The following TBC1D5 variants were observed in gnomAD, a reference collection of about 807,000 sequenced individuals.
TBC1D5 encodes TBC1 domain family, member 5.
Under a neutral mutation model 100.3 loss-of-function variants are expected in TBC1D5, and 75 were observed. The observed-to-expected ratio is 0.75, with a 90% confidence interval of 0.62 to 0.91. TBC1D5 has a LOEUF of 0.91. TBC1D5 is among the 40% of genes least tolerant of loss of function. The pLI, the probability that TBC1D5 is intolerant of heterozygous loss-of-function variation, is 0.00. For missense variants in TBC1D5, 910 were observed against 942.4 expected (o/e 0.97, Z 0.45); for synonymous variants, 323 against 325.6 (o/e 0.99, Z 0.09).
intron 13 of TBC1D5, among the ~76,000 whole-genome samples, chr3:17,353,565 G>C (rs2090886174): frequency 1.3e-5 from 2 of 151,974 alleles, no homozygotes; most frequent in South Asian, 4.1e-4. Flanking sequence ...TATAAATATA[G>C]ACTAAGTAAC....
intron 16 of TBC1D5, among the ~76,000 whole-genome samples, chr3:17,242,694 G>T (rs1417667479): frequency 6.6e-6 from 1 of 151,970 alleles, no homozygotes; most frequent in African/African-American, 2.4e-5. Flanking sequence ...AGATGGCTGG[G>T]TTTGTTTGAG....
chr3:17,626,500 T>A (rs377714514), intron 1 of TBC1D5, among the ~76,000 whole-genome samples: 4 of 152,268 alleles, frequency 2.6e-5, no homozygotes, highest in East Asian at 3.9e-4. Context: ...GTCAGCAACA[T>A]AGGACTTAGA....
intron 2 of TBC1D5, among the ~76,000 whole-genome samples, chr3:17,524,201 T>TA (rs1417690633): frequency 2.0e-5 from 3 of 152,142 alleles, no homozygotes; most frequent in Admixed American, 6.5e-5. Context: ...CACTCACAGT[T>TA]AAAGAAATAT....
chr3:17,417,395 T>C (rs1365602899), intron 4 of TBC1D5, among the ~76,000 whole-genome samples: 3 of 142,556 alleles, frequency 2.1e-5, no homozygotes, highest in Non-Finnish European at 3.0e-5. Flanking sequence ...CCTGTGTCCA[T>C]GTGTTCTCAT....
chr3:17,192,417 A>C (rs994464368), intron 18 of TBC1D5, among the ~76,000 whole-genome samples: 2 of 151,926 alleles, frequency 1.3e-5, no homozygotes, highest in Non-Finnish European at 2.9e-5. Flanking sequence ...GCAAACCTGG[A>C]GTAGTATAGC....
At chr3:17,270,267 T>C (rs147976555) in intron 15 of TBC1D5, among the ~76,000 whole-genome samples, 77 of 152,302 alleles carry the variant, frequency 5.1e-4, no homozygotes, top group Middle Eastern at 3.4e-3. Flanking sequence ...TTTTTTCATA[T>C]GCTTGTTGGA....
intron 3 of TBC1D5, among the ~76,000 whole-genome samples, chr3:17,466,572 G>A (rs2150043389): frequency 6.6e-6 from 1 of 152,194 alleles, no homozygotes; most frequent in East Asian, 1.9e-4. Context: ...TGAAACTGAT[G>A]GACTTTAGGC....
chr3:17,247,164 G>A (rs183936465), intron 16 of TBC1D5, among the ~76,000 whole-genome samples: 2 of 152,266 alleles, frequency 1.3e-5, no homozygotes, highest in African/African-American at 4.8e-5. Context: ...CCAAGGCTTA[G>A]GTGAGCAGCT....
intron 2 of TBC1D5, among the ~76,000 whole-genome samples, chr3:17,581,268 TA>T: frequency 6.6e-6 from 1 of 152,338 alleles, no homozygotes; most frequent in South Asian, 2.1e-4. Flanking sequence ...TTTTTCTTTA[TA>T]AATTACCTAG....
At chr3:17,381,919 C>T (rs1304502033) in intron 9 of TBC1D5, among the ~76,000 whole-genome samples, 1 of 151,906 alleles carries the variant, frequency 6.6e-6, no homozygotes, top group African/African-American at 2.4e-5. Flanking sequence ...CGTCAATATC[C>T]TTTTCTTTAT....
intron 14 of TBC1D5, among the ~76,000 whole-genome samples, chr3:17,301,566 C>T (rs1406884614): frequency 6.6e-6 from 1 of 152,156 alleles, no homozygotes; most frequent in Non-Finnish European, 1.5e-5. Flanking sequence ...TAATGTGGTT[C>T]TGGTACCAAG....
At chr3:17,570,180 T>G (rs2096618142) in intron 2 of TBC1D5, among the ~76,000 whole-genome samples, 1 of 151,976 alleles carries the variant, frequency 6.6e-6, no homozygotes. Flanking sequence ...GTAAGTTAAC[T>G]GGCCCATACA....
chr3:17,165,405 A>G (rs2066497443), intron 21 of TBC1D5, among the ~76,000 whole-genome samples: 1 of 152,258 alleles, frequency 6.6e-6, no homozygotes, highest in Non-Finnish European at 1.5e-5. Flanking sequence ...ACGCTCAGTA[A>G]TATTTGAATA....
chr3:17,210,479 C>T (rs866524487), intron 18 of TBC1D5, among the ~76,000 whole-genome samples: 15 of 152,322 alleles, frequency 9.8e-5, no homozygotes, highest in South Asian at 6.2e-4. Flanking sequence ...TGAGTCACCA[C>T]GCCCAGCCAT....
chr3:17,409,721 A>G (rs1237571923), intron 4 of TBC1D5, among the ~76,000 whole-genome samples: 1 of 152,174 alleles, frequency 6.6e-6, no homozygotes, highest in African/African-American at 2.4e-5. Flanking sequence ...ACCAGCCACA[A>G]CATTCCCTTA....
chr3:17,378,371 C>T (rs1049601049), intron 9 of TBC1D5, among the ~76,000 whole-genome samples: 1 of 151,826 alleles, frequency 6.6e-6, no homozygotes, highest in Admixed American at 6.6e-5. Context: ...AAATCACTCT[C>T]TCACACATCC....
chr3:17,323,445 A>G lies in TBC1D5; in HGVS notation c.996-15311T>C, dbSNP rs369880445. Among the ~76,000 whole-genome samples the G allele has an allele frequency of 2.6e-5, 4 of 152,362 alleles. No homozygotes were observed. The East Asian group carries it at 5.8e-4, about 22-fold the overall frequency. ...AAATAAAACTGTAAGTGCAGATGAC[A>G]TAATTGTCTACAAAATCCCAAACAA... is the stretch of plus-strand genomic sequence containing the variant. On this transcript the variant is annotated intron_variant, in intron 13 of 21. Transcript: ENST00000253692.
At chr3:17,432,078 T>C (rs759809677) in intron 3 of TBC1D5, among the ~76,000 whole-genome samples, 10 of 152,126 alleles carry the variant, frequency 6.6e-5, no homozygotes, top group Non-Finnish European at 1.3e-4. Flanking sequence ...TGTGAAAACA[T>C]CAAGTTTTAG....
At chr3:17,636,197 AG>A (rs1301169420) in intron 1 of TBC1D5, among the ~76,000 whole-genome samples, 4 of 152,180 alleles carry the variant, frequency 2.6e-5, no homozygotes, top group Non-Finnish European at 5.9e-5. Flanking sequence ...AAGAAAAAAA[AG>A]AATGTTTTTC....
Sources: allele counts gnomAD v4.1 joint callset (sites outside exome capture counted in the v4.1 genomes callset), GRCh38; gene constraint gnomAD v4.1.1; transcripts MANE v1.5; gene names NCBI Gene and HGNC (gene_info 2026-07-23, HGNC 2026-07-21).